CDH18: variants seen among roughly 807,000 people sequenced by gnomAD.
CDH18 encodes the protein cadherin 18, also known as cadherin-18.
CDH18 carries 31 observed loss-of-function variants against 67.9 expected under a neutral mutation model. The observed-to-expected ratio is 0.46, with a 90% CI of 0.34 to 0.62. The LOEUF is 0.62. CDH18 is among the 20% of genes least tolerant of loss of function. The pLI is 0.01. For synonymous variants in CDH18, 362 were observed against 347.2 expected, an observed-to-expected ratio of 1.04 and a Z score of -0.48; for missense variants, 890 against 975.5, an observed-to-expected ratio of 0.91 and a Z score of 1.17.
intron 2 of CDH18, among the ~76,000 whole-genome samples, chr5:20,197,292 T>C (rs6884683): frequency 0.55 from 83,370 of 152,056 alleles, 22,947 homozygotes; most frequent in Middle Eastern, 0.69. Context: ...TATTAAGGCA[T>C]AAGCCACCAT....
intron 1 of CDH18, among the ~76,000 whole-genome samples, chr5:20,347,556 G>C (rs1237140870): frequency 3.3e-5 from 5 of 152,236 alleles, no homozygotes; most frequent in Non-Finnish European, 7.3e-5. Context: ...GCAGCTAAAG[G>C]GAAGAAATGT....
intron 1 of CDH18, among the ~76,000 whole-genome samples, chr5:20,284,379 TA>T (rs1746520405): frequency 1.3e-5 from 2 of 151,966 alleles, no homozygotes. Context: ...TATGTACTCA[TA>T]AAAATAAAAA....
At chr5:20,111,765 G>A (rs1051825819) in intron 2 of CDH18, among the ~76,000 whole-genome samples, 2 of 151,772 alleles carry the variant, frequency 1.3e-5, no homozygotes, top group African/African-American at 2.4e-5. Context: ...GGATGGTCTC[G>A]ATCTCTTGAC....
intron 2 of CDH18, among the ~76,000 whole-genome samples, chr5:19,937,561 T>C (rs1185936104): frequency 2.0e-5 from 3 of 151,428 alleles, no homozygotes; most frequent in Non-Finnish European, 4.4e-5. Context: ...CACACAAACA[T>C]ATAACCACAC....
Position 20,354,384 on chromosome 5 carries a change from C to T in CDH18, c.-579-98879G>A, listed in dbSNP as rs181141348. Among the ~76,000 whole-genome samples the T allele has an allele frequency of 1.6e-3, 247 of 152,216 alleles. 1 individual carries two copies. Among genetic ancestry groups the T allele is most frequent in the South Asian group, 8.5e-3 (41 of 4,826 alleles). ...AGCATGCTTTAATTATGTAACATGA[C>T]ATTTTATGCTCTTACTTAATTCCTG... On this transcript the variant is annotated intron_variant, in intron 1 of 14. Transcript: ENST00000507958.
At chr5:20,154,830 T>C (rs1457252970) in intron 2 of CDH18, among the ~76,000 whole-genome samples, 1 of 152,222 alleles carries the variant, frequency 6.6e-6, no homozygotes, top group East Asian at 1.9e-4. Context: ...GCCTCATTAA[T>C]GCCCTGACTT....
chr5:19,960,784 T>G (rs981966229), intron 2 of CDH18, among the ~76,000 whole-genome samples: 1 of 141,582 alleles, frequency 7.1e-6, no homozygotes, highest in African/African-American at 2.9e-5. Flanking sequence ...CACGTGTATA[T>G]ATATGTGTAT....
intron 5 of CDH18, among the ~76,000 whole-genome samples, chr5:19,671,097 T>A (rs1758688181): frequency 6.6e-6 from 1 of 152,086 alleles, no homozygotes; most frequent in Non-Finnish European, 1.5e-5. Context: ...TATTAGAGGT[T>A]TATAGGTAAG....
At chr5:20,172,060 A>C (rs939533290) in intron 2 of CDH18, among the ~76,000 whole-genome samples, 1 of 149,546 alleles carries the variant, frequency 6.7e-6, no homozygotes, top group Non-Finnish European at 1.5e-5. Context: ...TTGGCTCTCT[A>C]TTCTGGAGAA....
At chr5:19,714,429 T>G (rs1283715500) in intron 5 of CDH18, among the ~76,000 whole-genome samples, 1 of 152,150 alleles carries the variant, frequency 6.6e-6, no homozygotes, top group African/African-American at 2.4e-5. Context: ...CAGCTGATTT[T>G]TTTTCTTGTG....
chr5:19,985,691 A>T (rs918931402), intron 1 of CDH18, among the ~76,000 whole-genome samples: 2 of 152,042 alleles, frequency 1.3e-5, no homozygotes, highest in African/African-American at 4.8e-5. Context: ...TGCAAGTATA[A>T]TGAAGTCATA....
In CDH18 at chr5:20,300,303, CGTGTGTGT is replaced by C. The variant is rs67689740; in HGVS notation, c.-579-44806_-579-44799del. ...CCACATAGATTAAGTTGTGTGTGTG[CGTGTGTGT>C]GTGTGTGTGTGTGTGTGTGTGTATT... is the stretch of plus-strand genomic sequence containing the variant. On this transcript the variant is annotated intron_variant, in intron 1 of 14. Coordinates refer to the CDH18 transcript ENST00000507958. 1.1e-3 allele frequency among the ~76,000 whole-genome samples: 167 copies of C among 148,590 alleles called. 1 individual carries two copies. Among genetic ancestry groups the C allele is most frequent in the Non-Finnish European group, 1.7e-3 (115 of 67,296 alleles).
chr5:19,822,741 G>A (rs769898557), intron 3 of CDH18, among the ~76,000 whole-genome samples: 33 of 152,276 alleles, frequency 2.2e-4, no homozygotes, highest in African/African-American at 6.7e-4. Flanking sequence ...GGACTGGGGC[G>A]AAATTAAAAT....
At chr5:20,103,559 A>T (rs1746655307) in intron 2 of CDH18, among the ~76,000 whole-genome samples, 1 of 136,932 alleles carries the variant, frequency 7.3e-6, no homozygotes. Context: ...CCCTGTCTCT[A>T]CTAAAAATAC....
chr5:20,036,031 A>G (rs1319503048), intron 2 of CDH18, among the ~76,000 whole-genome samples: 1 of 152,038 alleles, frequency 6.6e-6, no homozygotes, highest in Non-Finnish European at 1.5e-5. Context: ...TTGTATAATA[A>G]GTCAATACTC....
chr5:20,172,769 T>C (rs1736933485), intron 2 of CDH18, among the ~76,000 whole-genome samples: 1 of 151,940 alleles, frequency 6.6e-6, no homozygotes, highest in Non-Finnish European at 1.5e-5. Context: ...GGCAGGCGGA[T>C]CACCTGAAGT....
At chr5:19,666,402 C>T (rs1370551678) in intron 5 of CDH18, among the ~76,000 whole-genome samples, 2 of 151,586 alleles carry the variant, frequency 1.3e-5, no homozygotes, top group Non-Finnish European at 2.9e-5. Flanking sequence ...GCCACCACAC[C>T]TGGCAAATAA....
intron 2 of CDH18, among the ~76,000 whole-genome samples, chr5:19,847,564 T>G (rs1490405940): frequency 2.6e-5 from 4 of 152,096 alleles, no homozygotes; most frequent in African/African-American, 7.2e-5. Context: ...GTTATATATT[T>G]CATATACTTC....
At chr5:19,802,240 A>G (rs1031443622) in intron 3 of CDH18, among the ~76,000 whole-genome samples, 3 of 152,158 alleles carry the variant, frequency 2.0e-5, no homozygotes, top group African/African-American at 7.2e-5. Context: ...TTTTGATATA[A>G]CAATAGGAAG....
Sources: gnomAD v4.1 joint callset for allele counts (sites outside exome capture counted in the v4.1 genomes callset) on GRCh38, gnomAD v4.1.1 for gene constraint, MANE v1.5 for transcripts, NCBI Gene and HGNC (gene_info 2026-07-23, HGNC 2026-07-21) for gene names.